The following PIAS1 variants were observed in gnomAD, a reference collection of about 807,000 sequenced individuals.
PIAS1 encodes E3 SUMO-protein ligase PIAS1.
Under a neutral mutation model 71.3 loss-of-function variants are expected in PIAS1, and 6 were observed. The ratio of observed to expected loss-of-function variants is 0.08; its 90% confidence interval spans 0.05 to 0.17. The LOEUF is 0.17. Among genes scored for constraint, PIAS1 ranks in the 10% least tolerant of loss-of-function variants. The probability of loss-of-function intolerance (pLI) is 1.00; values close to 1 mark genes in which losing one functional copy is unlikely to be tolerated. For synonymous variants in PIAS1, 303 were observed against 292.9 expected, an observed-to-expected ratio of 1.03 and a Z score of -0.35; for missense variants, 555 against 793.6, an observed-to-expected ratio of 0.70 and a Z score of 3.61.
intron 1 of PIAS1, among the ~76,000 whole-genome samples, chr15:68,074,836 A>G (rs1326382160): frequency 6.7e-6 from 1 of 148,500 alleles, no homozygotes; most frequent in African/African-American, 2.5e-5. Flanking sequence ...GAACTTTAGC[A>G]TTCCTTTTTT....
rs771562397 is a variant in PIAS1 at position 68,178,838 on chromosome 15, ATTTC to A, written c.1481+2187_1481+2190del. 8.5e-5 allele frequency among the ~76,000 whole-genome samples: 13 copies of A among 152,240 alleles called. No individual in the cohort carries two copies. The highest frequency in any genetic ancestry group is 1.9e-4 in the Non-Finnish European group (13 of 68,008). ...ACATTTGAGTGTTTAGGAATCTAAT[ATTTC>A]TTCTTTGGATATTTACTTTGCTCTT... On this transcript the variant is annotated intron_variant, in intron 11 of 13. Coordinates refer to ENST00000249636, the MANE Select transcript of PIAS1 (RefSeq NM_016166.3). This position sits in a 1 kb window ranked among gnomAD's most constrained non-coding sequence, Gnocchi z 4.2.
At position 68,086,627 on chromosome 15, in the gene PIAS1, C is replaced by T. The variant is rs1275304023; in HGVS notation, c.346C>T (p.Pro116Ser). The part of the protein sequence containing the change: ...SPLLPVSLLG[P>S]KHELELPHLT... ...ATTACTCCCTGTTTCTCTTCTGGGA[C>T]CTAAACATGAACTGGAACTCCCACA... The change falls in exon 2 of 14, where the codon CCT (proline) becomes TCT (serine). Residue 116 changes from proline (P) to serine (S), a missense_variant. By Grantham distance (74) the Pro-to-Ser change is moderately conservative. Around this residue, in one of 5 missense-constraint regions of PIAS1, gnomAD observed 80 missense variants for 66.9 expected, o/e 1.20. Transcript: ENST00000249636. The surrounding 1 kb of genome is among the most constrained non-coding windows in gnomAD (Gnocchi z 7.2). 2 of 1,612,958 alleles carry T rather than the reference C, an allele frequency of 1.2e-6. No individual in the cohort carries two copies. The highest frequency in any genetic ancestry group is 8.5e-7 in the Non-Finnish European group (1 of 1,178,962).
At chr15:68,156,949 A>G (rs74425327) in intron 7 of PIAS1, among the ~76,000 whole-genome samples, 3,173 of 152,290 alleles carry the variant, frequency 0.021, 111 homozygotes, top group African/African-American at 0.072. Flanking sequence ...ACCTGTTTGT[A>G]ATAGTATACG....
At chr15:68,120,925 C>T (rs553798561) in intron 2 of PIAS1, among the ~76,000 whole-genome samples, 3 of 152,242 alleles carry the variant, frequency 2.0e-5, no homozygotes, top group South Asian at 4.2e-4. Flanking sequence ...CATGAGCCAC[C>T]GGGCCTGACC....
At chr15:68,168,673 A>AT (rs56964312) in intron 8 of PIAS1, among the ~76,000 whole-genome samples, 16,185 of 152,188 alleles carry the variant, frequency 0.11, 2,884 homozygotes, top group African/African-American at 0.37. Context: ...GAATTTAGTG[A>AT]TTTTTTTAAA....
rs537166568 is a variant in PIAS1 at position 68,099,503 on chromosome 15, A to G, written c.469+12753A>G. Among the ~76,000 whole-genome samples, 130 of 152,022 alleles carry G rather than the reference A, an allele frequency of 8.6e-4. 2 individuals are homozygous for G. The highest frequency in any genetic ancestry group is 2.2e-4 in the Non-Finnish European group (15 of 67,960). ...TGGATATATCACAATTTCTCTAACT[A>G]TTCGAATTATTTAAGAGCATTTTGG... On this transcript the variant is annotated intron_variant, in intron 2 of 13. Coordinates refer to ENST00000249636, the MANE Select transcript of PIAS1 (RefSeq NM_016166.3).
chr15:68,090,709 T>C (rs1453769602), intron 2 of PIAS1, among the ~76,000 whole-genome samples: 1 of 152,072 alleles, frequency 6.6e-6, no homozygotes, highest in African/African-American at 2.4e-5. Context: ...GGAAATAGAG[T>C]AGGGAAGAAT....
rs1307103913 is a variant in PIAS1 at position 68,176,529 on chromosome 15, TAAAAAC to T, written c.1359_1364del (p.Asn454_Lys455del). ...TAGCGTCTCACCACCAGTCCTCAAA[TAAAAAC>T]AAGAAAGTAGAAGTGATTGACCTAA... On this transcript the variant is annotated inframe_deletion, in exon 11 of 14. Coordinates refer to ENST00000249636, the MANE Select transcript of PIAS1 (RefSeq NM_016166.3). The T allele has an allele frequency of 2.5e-6, 4 of 1,612,226 alleles. No homozygotes were observed. The African/African-American group carries it at 4.0e-5, about 16-fold the overall frequency.
chr15:68,182,672 C>T (rs920546298), intron 12 of PIAS1, among the ~76,000 whole-genome samples: 12 of 152,064 alleles, frequency 7.9e-5, no homozygotes, highest in Non-Finnish European at 1.5e-4. Context: ...CGCCTGCCTT[C>T]GCTTCCCAAA....
rs2093099537 is a variant in PIAS1 at position 68,188,039 on chromosome 15, C to T, written c.*204C>T. 2 of 390,456 alleles carry T rather than the reference C, an allele frequency of 5.1e-6. No individual in the cohort carries two copies. The highest frequency in any genetic ancestry group is 7.4e-5 in the East Asian group (2 of 27,100). 24.2% of individuals were successfully genotyped at this position (390,456 alleles called of 1,614,324 possible). A position where few individuals can be genotyped will look rare whatever the true frequency, so the allele number is the denominator to read the frequency against. On this transcript the variant is annotated 3_prime_UTR_variant, in exon 14 of 14. Transcript: ENST00000249636. ...TTTACTTTTGTATATAAATCTAAGA[C>T]TGCCTGTGTGATAAAACACTTGTTT...
chr15:68,096,092 A>T (rs935513128), intron 2 of PIAS1, among the ~76,000 whole-genome samples: 1 of 152,228 alleles, frequency 6.6e-6, no homozygotes, highest in African/African-American at 2.4e-5. Context: ...TTAGTTTATT[A>T]TCTCTATATG....
At chr15:68,152,338 C>G (rs1169770010) in intron 6 of PIAS1, among the ~76,000 whole-genome samples, 3 of 152,128 alleles carry the variant, frequency 2.0e-5, no homozygotes, top group African/African-American at 7.2e-5. Flanking sequence ...TTTCCTCCCT[C>G]TCAGAAAATG....
At chr15:68,158,882 A>G (rs1005138403) in intron 7 of PIAS1, among the ~76,000 whole-genome samples, 2 of 152,224 alleles carry the variant, frequency 1.3e-5, no homozygotes, top group Non-Finnish European at 2.9e-5. Flanking sequence ...ACTGTCCCAT[A>G]TGGTAGCCAC....
rs1405642701 is a variant in PIAS1, at chr15:68,173,901, C to CTT, written c.1169+11_1169+12dup. On this transcript the variant is annotated intron_variant, in intron 9 of 13. Transcript: ENST00000249636. The surrounding 1 kb of genome is among the most constrained non-coding windows in gnomAD (Gnocchi z 4.3). The stretch of plus-strand genomic sequence containing the variant: ...CACCTTATTATTGATGGGTATGTTA[C>CTT]TTTAAGTGTTTTTGGTACCTTGAAA... 1 of 1,476,394 alleles carries CTT rather than the reference C, an allele frequency of 6.8e-7. No homozygotes were observed. The highest frequency in any genetic ancestry group is 1.4e-5 in the South Asian group (1 of 69,330). The allele number at this position is 1,476,394 out of a possible 1,614,324, so 91.5% of individuals were successfully genotyped here. A position where few individuals can be genotyped will look rare whatever the true frequency, so the allele number is the denominator to read the frequency against.
At chr15:68,091,316 T>C (rs1271948449) in intron 2 of PIAS1, among the ~76,000 whole-genome samples, 2 of 152,268 alleles carry the variant, frequency 1.3e-5, no homozygotes, top group East Asian at 1.9e-4. Context: ...TATAATATTG[T>C]TTATAGTTAT....
chr15:68,182,425 A>AGTGTGTGTGT (rs10532167), intron 12 of PIAS1, among the ~76,000 whole-genome samples: 1,416 of 123,302 alleles, frequency 0.011, 39 homozygotes, highest in Admixed American at 0.044. Context: ...AGTTACAGCT[A>AGTGTGTGTGT]GTGTGTGTGT....
chr15:68,160,181 T>G (rs1028893069), intron 7 of PIAS1, among the ~76,000 whole-genome samples: 13 of 152,180 alleles, frequency 8.5e-5, no homozygotes, highest in African/African-American at 2.9e-4. Flanking sequence ...TATGAAATCT[T>G]TGCCTAAATG....
In PIAS1 at chr15:68,148,424, A is replaced by ATTTTCT. The variant is rs560567556; in HGVS notation, c.828+1741_828+1746dup. On this transcript the variant is annotated intron_variant, in intron 6 of 13. Transcript: ENST00000249636. The stretch of plus-strand genomic sequence containing the variant: ...ATTGTAGGTAATGTTAAAGTTAAGG[A>ATTTTCT]TTTTCTTTTTCTTTTTCTTTTTTTG... Among the ~76,000 whole-genome samples, 20 of 151,716 alleles carry ATTTTCT rather than the reference A, an allele frequency of 1.3e-4. No homozygotes were observed. In the East Asian group the frequency reaches 3.5e-3, roughly 27 times the overall value.
chr15:68,068,574 T>C (rs2092055852), intron 1 of PIAS1, among the ~76,000 whole-genome samples: 1 of 151,750 alleles, frequency 6.6e-6, no homozygotes, highest in Non-Finnish European at 1.5e-5. Context: ...ACCCTCAGCC[T>C]CCCGAGTAGC....
Sources: gnomAD v4.1 joint callset for allele counts (sites outside exome capture counted in the v4.1 genomes callset) on GRCh38, gnomAD v4.1.1 for gene constraint, gnomAD v4.1.1 regional missense constraint, Gnocchi (gnomAD v3.1) non-coding constraint, MANE v1.5 for transcripts, NCBI Gene and HGNC (gene_info 2026-07-23, HGNC 2026-07-21) for gene names.